The following CROCC2 variants were observed in gnomAD, a reference collection of about 807,000 sequenced individuals.
The protein encoded by CROCC2 is ciliary rootlet coiled-coil, rootletin family member 2.
A neutral mutation model predicts 177.6 loss-of-function variants in CROCC2; 163 were observed. That is an observed-to-expected ratio of 0.92 (90% CI 0.81 to 1.05). CROCC2 has a LOEUF of 1.05. CROCC2 is among the 50% of genes least tolerant of loss of function. The pLI is 0.00. For missense variants in CROCC2, 1,929 were observed against 1,797.8 expected, an observed-to-expected ratio of 1.07 and a Z score of -1.32; for synonymous variants, 904 against 787.3, an observed-to-expected ratio of 1.15 and a Z score of -2.48.
intron 15 of CROCC2, among the ~76,000 whole-genome samples, chr2:240,946,974 C>T (rs1396019732): frequency 2.0e-5 from 3 of 152,260 alleles, no homozygotes; most frequent in Non-Finnish European, 2.9e-5. Flanking sequence ...CGGGCACTCG[C>T]AGGCAAGAAC....
intron 1 of CROCC2, among the ~76,000 whole-genome samples, chr2:240,915,772 G>A (rs762920849): frequency 2.6e-5 from 4 of 152,108 alleles, no homozygotes; most frequent in South Asian, 2.1e-4. Context: ...TACCCCTAGC[G>A]TAGCTCCACT....
At chr2:240,934,880 G>A (rs962147038) in intron 12 of CROCC2, 36 bp from the exon 13 acceptor site, 21 of 1,459,412 alleles carry the variant, frequency 1.4e-5, no homozygotes, top group African/African-American at 4.4e-5. Flanking sequence ...CCTGGAAGCT[G>A]AAGGTCCCTC....
rs187153357 is a variant in CROCC2 at position 240,947,722 on chromosome 2, G to A, written c.2364-1257G>A. Among the ~76,000 whole-genome samples the A allele has an allele frequency of 4.6e-5, 7 of 152,274 alleles. No individual in the cohort carries two copies. In the East Asian group the frequency reaches 5.8e-4, roughly 13 times the overall value. ...CTGCTTTATGAAGGGCTCCACTCTC[G>A]GATCCTCAGGCCCTGACAAGGCTTC... On this transcript the variant is annotated intron_variant, in intron 15 of 31. Transcript: ENST00000690015.
chr2:240,964,722 C>G (rs1297504743), intron 22 of CROCC2, 97 bp downstream of exon 22: 1 of 1,403,122 alleles, frequency 7.1e-7, no homozygotes, highest in East Asian at 2.5e-5. Context: ...GGCCTTGCTG[C>G]CGCCTTTGAA....
At chr2:240,945,222 C>T (rs558687740) in intron 14 of CROCC2, among the ~76,000 whole-genome samples, 6 of 152,316 alleles carry the variant, frequency 3.9e-5, no homozygotes, top group African/African-American at 9.6e-5. Flanking sequence ...AGGCGTGAGC[C>T]GCCTCAGCTG....
intron 22 of CROCC2, among the ~76,000 whole-genome samples, 167 bp from the exon 23 acceptor site, chr2:240,965,214 G>A (rs1203478415): frequency 6.6e-6 from 1 of 152,202 alleles, no homozygotes; most frequent in Non-Finnish European, 1.5e-5. Flanking sequence ...GAGTGGCTGA[G>A]GGTGACAACT....
In CROCC2 at chr2:240,946,186, C is replaced by T. The variant is rs1203634120; in HGVS notation, c.2296C>T (p.Leu766=). The T allele has an allele frequency of 6.5e-7, 1 of 1,547,826 alleles. No homozygotes were observed. Among genetic ancestry groups the T allele is most frequent in the Admixed American group, 2.0e-5 (1 of 50,980 alleles). The change falls in exon 15 of 32, where the codon CTG becomes TTG. Residue 766 remains leucine (L), a synonymous_variant. Transcript: ENST00000690015. Reference sequence around the variant, plus strand: ...TGCTCTGTCTGAGGAGCGGGCCCAGCTGCTGGCCAAGCAGGAGGCCTTGGA... The same window carrying T: ...TGCTCTGTCTGAGGAGCGGGCCCAGTTGCTGGCCAAGCAGGAGGCCTTGGA... ...KDALSEERAQ[L]LAKQEALERQ...
chr2:240,917,364 G>A lies in CROCC2; in HGVS notation c.79-1362G>A, dbSNP rs114065306. The stretch of plus-strand genomic sequence containing the variant: ...CTGTGTCCAGGGAGCATCCGGGATA[G>A]CCAGACAGCATGCACCAGGTGCAGG... On this transcript the variant is annotated intron_variant, in intron 1 of 31. Coordinates refer to ENST00000690015, the MANE Select transcript of CROCC2 (RefSeq NM_001351305.2). The surrounding 1 kb of genome is among the most constrained non-coding windows in gnomAD (Gnocchi z 4.9). 0.013 allele frequency among the ~76,000 whole-genome samples: 1,938 copies of A among 152,306 alleles called. 32 individuals are homozygous for A. Among genetic ancestry groups the A allele is most frequent in the African/African-American group, 0.044 (1,813 of 41,560 alleles).
chr2:240,933,927 C>A, intron 11 of CROCC2, 75 bp downstream of exon 11: 1 of 1,454,288 alleles, frequency 6.9e-7, no homozygotes, highest in East Asian at 2.5e-5. Context: ...AGCCACTTGG[C>A]CTTGGGCCAC....
Position 240,918,921 on chromosome 2 carries a change from G to A in CROCC2, c.229+45G>A. ...TCCTGGGCCCGGGGCTGGCCAAGGT[G>A]ACGGCGTGGGGGACAGTCCTGGGCC... On this transcript the variant is annotated intron_variant, in intron 2 of 31. Coordinates refer to ENST00000690015, the MANE Select transcript of CROCC2 (RefSeq NM_001351305.2). This position sits in a 1 kb window ranked among gnomAD's most constrained non-coding sequence, Gnocchi z 6.3. 1 of 665,880 alleles carries A rather than the reference G, an allele frequency of 1.5e-6. No homozygotes were observed. Among genetic ancestry groups the A allele is most frequent in the South Asian group, 1.6e-5 (1 of 61,284 alleles). 41.2% of individuals were successfully genotyped at this position (665,880 alleles called of 1,614,324 possible). A position where few individuals can be genotyped will look rare whatever the true frequency, so the allele number is the denominator to read the frequency against.
intron 1 of CROCC2, among the ~76,000 whole-genome samples, chr2:240,916,165 G>C (rs1053783435): frequency 1.3e-5 from 2 of 152,050 alleles, no homozygotes; most frequent in African/African-American, 2.4e-5. Flanking sequence ...AAGCAGCATC[G>C]GCGGGGTCCT....
At chr2:240,910,237 GA>G (rs750549451) in intron 1 of CROCC2, among the ~76,000 whole-genome samples, 54 of 152,274 alleles carry the variant, frequency 3.5e-4, no homozygotes, top group South Asian at 6.2e-4. Context: ...TGACTGCCTT[GA>G]GGGGTGGGGG....
At chr2:240,947,978 CAA>C (rs1207083295) in intron 15 of CROCC2, among the ~76,000 whole-genome samples, 2 of 152,174 alleles carry the variant, frequency 1.3e-5, no homozygotes, top group Non-Finnish European at 2.9e-5. Flanking sequence ...AAGCTTCAGG[CAA>C]AGACATCTGA....
At chr2:240,966,197 A>G (rs1337264488) in intron 24 of CROCC2, 28 bp from the exon 25 acceptor site, 4 of 1,116,494 alleles carry the variant, frequency 3.6e-6, no homozygotes, top group Middle Eastern at 2.2e-4. Context: ...GTTCCTGTCC[A>G]CGACCCCTCC....
At chr2:240,971,167 T>G (rs1034736946) in intron 27 of CROCC2, among the ~76,000 whole-genome samples, 4 of 152,176 alleles carry the variant, frequency 2.6e-5, no homozygotes, top group Non-Finnish European at 5.9e-5. Flanking sequence ...CATGGCTCCC[T>G]TCTGCCGACA....
At chr2:240,912,840 G>A (rs574942778) in intron 1 of CROCC2, among the ~76,000 whole-genome samples, 10 of 152,278 alleles carry the variant, frequency 6.6e-5, no homozygotes, top group South Asian at 2.1e-4. Flanking sequence ...GCCATCAGTC[G>A]TCTCATAGGC....
chr2:240,993,186 C>T lies in CROCC2; in HGVS notation c.*105C>T, dbSNP rs1375631904. On this transcript the variant is annotated 3_prime_UTR_variant, in exon 32 of 32. Coordinates refer to ENST00000690015, the MANE Select transcript of CROCC2 (RefSeq NM_001351305.2). ...TCTCAGCGTCACAGTGAAAGGCACC[C>T]GTGATGAGACAGCTCGCTCTCGGCA... 1.8e-5 allele frequency: 12 copies of T among 671,776 alleles called. No individual in the cohort carries two copies. The highest frequency in any genetic ancestry group is 7.1e-5 in the African/African-American group (4 of 55,966). The allele number at this position is 671,776 out of a possible 1,614,324, so 41.6% of individuals were successfully genotyped here. A position where few individuals can be genotyped will look rare whatever the true frequency, so the allele number is the denominator to read the frequency against.
chr2:240,925,803 C>G lies in CROCC2; in HGVS notation c.568C>G (p.Arg190Gly). Residue 190 changes from arginine to glycine, a missense_variant, in exon 5 of 32, where the codon CGG (arginine) becomes GGG (glycine). Arg to Gly is a moderately radical substitution (Grantham distance 125). This residue lies in a region of CROCC2 where 1,397 missense variants were observed against 1,239.9 expected (regional missense o/e 1.13). Transcript: ENST00000690015. ...HMKKANDALG[R>G]ELAGMTGSVQ... The stretch of plus-strand genomic sequence containing the variant: ...GAAGAAGGCCAATGACGCGCTGGGC[C>G]GGGAGCTGGCCGGGATGACGGGCAG... 1 of 716,950 alleles carries G rather than the reference C, an allele frequency of 1.4e-6. No homozygotes were observed. Among genetic ancestry groups the G allele is most frequent in the Non-Finnish European group, 2.6e-6 (1 of 384,928 alleles). The allele number at this position is 716,950 out of a possible 1,614,324, so 44.4% of individuals were successfully genotyped here. A position where few individuals can be genotyped will look rare whatever the true frequency, so the allele number is the denominator to read the frequency against.
In CROCC2 at chr2:240,934,388, A is replaced by G. The variant is rs573230596; in HGVS notation, c.1704A>G (p.Ala568=). The G allele has an allele frequency of 9.2e-5, 143 of 1,548,794 alleles. 1 individual carries two copies. The South Asian group carries it at 1.6e-3, about 17-fold the overall frequency. The change falls in exon 12 of 32, where the codon GCA becomes GCG. Residue 568 remains alanine (A), a synonymous_variant. Transcript: ENST00000690015. ...EKVSGLREEL[A]SVREALSTAQ... is the part of the protein sequence containing the mutation. Reference sequence around the variant, plus strand: ...TCTCCGGGCTCAGAGAGGAGCTGGCATCGGTCCGGGAGGCACTGAGCACAG... The same window carrying G: ...TCTCCGGGCTCAGAGAGGAGCTGGCGTCGGTCCGGGAGGCACTGAGCACAG...
Sources: allele counts gnomAD v4.1 joint callset (sites outside exome capture counted in the v4.1 genomes callset), GRCh38; gene constraint gnomAD v4.1.1; regional missense constraint gnomAD v4.1.1; non-coding constraint Gnocchi (gnomAD v3.1); transcripts MANE v1.5; gene names NCBI Gene and HGNC (gene_info 2026-07-23, HGNC 2026-07-21).